C3orf49: variants seen among roughly 807,000 people sequenced by gnomAD.
C3orf49 encodes putative uncharacterized protein C3orf49.
C3orf49 carries 27 observed loss-of-function variants against 13.3 expected under a neutral mutation model. That is an observed-to-expected ratio of 2.02 (90% CI 1.49 to 2.79). C3orf49 has a LOEUF of 2.79. C3orf49 is among the 30% of genes most tolerant of loss of function. The probability of loss-of-function intolerance (pLI) is 0.00; values close to 1 mark genes in which losing one functional copy is unlikely to be tolerated. For synonymous variants in C3orf49, 87 were observed against 47.6 expected (o/e 1.83, Z -3.40); for missense variants, 242 against 134.2 (o/e 1.80, Z -3.97).
chr3:63,803,398 C>A, the C3orf49 span, among the ~76,000 whole-genome samples: 193 of 152,298 alleles, frequency 1.3e-3, no homozygotes, highest in African/African-American at 4.1e-3. Context: ...AATCCTCTTG[C>A]TCTCCTCCTT....
the C3orf49 span, among the ~76,000 whole-genome samples, chr3:63,801,799 A>G: frequency 6.6e-6 from 1 of 152,092 alleles, no homozygotes; most frequent in Non-Finnish European, 1.5e-5. Context: ...CACTTCAAGG[A>G]GCTCCCTTAA....
At chr3:63,808,460 A>C in the C3orf49 span, among the ~76,000 whole-genome samples, 1 of 152,170 alleles carries the variant, frequency 6.6e-6, no homozygotes, top group Non-Finnish European at 1.5e-5. Context: ...GTGCTGGCTT[A>C]CTTTGTATTT....
chr3:63,832,138 G>A, intron 5 of C3orf49: 1 of 268,862 alleles, frequency 3.7e-6, no homozygotes, highest in Non-Finnish European at 6.9e-6. Context: ...AGGCTGCAGT[G>A]AGCCGAGATC....
intron 5 of C3orf49, among the ~76,000 whole-genome samples, chr3:63,838,701 A>C (rs1330120530): frequency 2.6e-5 from 4 of 152,090 alleles, no homozygotes; most frequent in Non-Finnish European, 4.4e-5. Context: ...TTTAGTTACA[A>C]ATGCAAAGGT....
At chr3:63,826,227 A>G (rs2107101107) in intron 2 of C3orf49, among the ~76,000 whole-genome samples, 1 of 152,312 alleles carries the variant, frequency 6.6e-6, no homozygotes, top group South Asian at 2.1e-4. Flanking sequence ...ATATAATCTG[A>G]TTTGCATTCT....
At chr3:63,843,427 C>A (rs935674225) in intron 5 of C3orf49, among the ~76,000 whole-genome samples, 1 of 151,890 alleles carries the variant, frequency 6.6e-6, no homozygotes, top group Non-Finnish European at 1.5e-5. Context: ...CTCAATAATT[C>A]TTTTAAAATT....
chr3:63,781,994 C>G, the C3orf49 span, among the ~76,000 whole-genome samples: 407 of 152,328 alleles, frequency 2.7e-3, 1 homozygote, highest in African/African-American at 9.3e-3. Context: ...CCGAGCCTAT[C>G]TGGCTCTAGA....
upstream of C3orf49, among the ~76,000 whole-genome samples, chr3:63,817,009 C>T (rs142839733): frequency 4.1e-3 from 616 of 152,040 alleles, 4 homozygotes; most frequent in African/African-American, 0.014. Flanking sequence ...CTCCTGCTCT[C>T]GTGATCCACC....
At chr3:63,839,035 C>T (rs1286846735) in intron 5 of C3orf49, among the ~76,000 whole-genome samples, 3 of 152,058 alleles carry the variant, frequency 2.0e-5, no homozygotes, top group Non-Finnish European at 4.4e-5. Context: ...TACTAAAATA[C>T]AAAAATTAGT....
At chr3:63,836,162 G>A in intron 5 of C3orf49, 1 of 705,746 alleles carries the variant, frequency 1.4e-6, no homozygotes. Flanking sequence ...TAACAGAGAA[G>A]TATGGGAAAA....
intron 5 of C3orf49, among the ~76,000 whole-genome samples, chr3:63,843,582 G>A (rs995425591): frequency 3.9e-5 from 6 of 152,008 alleles, no homozygotes; most frequent in South Asian, 2.1e-4. Context: ...ATCAATTTGG[G>A]TGTTTACCAA....
At chr3:63,809,914 G>A in the C3orf49 span, among the ~76,000 whole-genome samples, 1 of 152,164 alleles carries the variant, frequency 6.6e-6, no homozygotes, top group African/African-American at 2.4e-5. Flanking sequence ...TTGGGAGGCT[G>A]AGTCAGGTGG....
At chr3:63,782,006 C>T in the C3orf49 span, among the ~76,000 whole-genome samples, 3 of 152,130 alleles carry the variant, frequency 2.0e-5, no homozygotes, top group African/African-American at 7.2e-5. Context: ...GGCTCTAGAG[C>T]CTGTATGCTT....
chr3:63,786,576 A>T, the C3orf49 span, among the ~76,000 whole-genome samples: 1 of 152,178 alleles, frequency 6.6e-6, no homozygotes, highest in Non-Finnish European at 1.5e-5. Context: ...AAAATATGAA[A>T]TACTCCGACG....
chr3:63,843,520 A>T (rs1701814503), intron 5 of C3orf49, among the ~76,000 whole-genome samples: 1 of 152,252 alleles, frequency 6.6e-6, no homozygotes, highest in South Asian at 2.1e-4. Flanking sequence ...TCAAAGAGGT[A>T]TCTGCACTCC....
chr3:63,817,780 T>C (rs1167559563), upstream of C3orf49, among the ~76,000 whole-genome samples: 1 of 152,072 alleles, frequency 6.6e-6, no homozygotes, highest in Non-Finnish European at 1.5e-5. Context: ...CATACACACA[T>C]ACATGCAGAC....
chr3:63,839,847 C>T, intron 5 of C3orf49: 2 of 1,214,376 alleles, frequency 1.6e-6, no homozygotes, highest in Non-Finnish European at 2.4e-6. Context: ...TATCACTGTT[C>T]ATTTGTTTAT....
the C3orf49 span, among the ~76,000 whole-genome samples, chr3:63,801,837 T>C: frequency 1.3e-5 from 2 of 152,212 alleles, no homozygotes; most frequent in Non-Finnish European, 2.9e-5. Context: ...GGGCTCAAGC[T>C]GGCCCTTCAG....
rs1173208919 is a variant in C3orf49 at position 63,835,010 on chromosome 3, A to AT, written c.849+3167dup. 2.5e-5 allele frequency: 18 copies of AT among 721,192 alleles called. No individual in the cohort carries two copies. In the Admixed American group the frequency reaches 5.5e-4, roughly 22 times the overall value. 44.7% of individuals were successfully genotyped at this position (721,192 alleles called of 1,614,324 possible). A position where few individuals can be genotyped will look rare whatever the true frequency, so the allele number is the denominator to read the frequency against. Reference sequence around the variant, plus strand: ...CTACATGTATTCAAGAAAGTTGAACATGAGTACCTTCTAACGTCATCCAGC... The same window carrying AT: ...CTACATGTATTCAAGAAAGTTGAACATTGAGTACCTTCTAACGTCATCCAGC... On this transcript the variant is annotated intron_variant, in intron 5 of 6. Transcript: ENST00000295896.
Sources: gnomAD v4.1 joint callset for allele counts (sites outside exome capture counted in the v4.1 genomes callset) on GRCh38, gnomAD v4.1.1 for gene constraint, MANE v1.5 for transcripts, NCBI Gene and HGNC (gene_info 2026-07-23, HGNC 2026-07-21) for gene names.